Variants in PCDH9 observed in about 807,000 individuals in gnomAD.
PCDH9 encodes the protein protocadherin-9.
In PCDH9, 24 loss-of-function variants were observed where a neutral mutation model predicts 70.6. The observed-to-expected ratio is 0.34, with a 90% confidence interval of 0.25 to 0.48. PCDH9 has a LOEUF of 0.48. Ranked by LOEUF, PCDH9 falls within the 20% of genes least tolerant of loss-of-function variation. The pLI, the probability that PCDH9 is intolerant of heterozygous loss-of-function variation, is 0.99. For missense variants in PCDH9, 1,281 were observed against 1,503.6 expected, an observed-to-expected ratio of 0.85 and a Z score of 2.45; for synonymous variants, 562 against 558.5, an observed-to-expected ratio of 1.01 and a Z score of -0.09.
intron 2 of PCDH9, among the ~76,000 whole-genome samples, chr13:67,193,665 T>A (rs1335900136): frequency 6.6e-6 from 1 of 152,100 alleles, no homozygotes; most frequent in Admixed American, 6.6e-5. Context: ...TGGATGTATA[T>A]TCTTAATTAC....
At chr13:66,770,800 C>T (rs2079795606) in intron 3 of PCDH9, among the ~76,000 whole-genome samples, 1 of 152,194 alleles carries the variant, frequency 6.6e-6, no homozygotes, top group African/African-American at 2.4e-5. Context: ...TAAAAATCCA[C>T]ATTTTTGTCT....
At chr13:66,753,439 A>T (rs2079490919) in intron 3 of PCDH9, among the ~76,000 whole-genome samples, 1 of 152,228 alleles carries the variant, frequency 6.6e-6, no homozygotes, top group Admixed American at 6.6e-5. Context: ...ACATATCAAA[A>T]CATCACTATG....
At chr13:67,058,158 T>C (rs1229420679) in intron 2 of PCDH9, among the ~76,000 whole-genome samples, 1 of 152,194 alleles carries the variant, frequency 6.6e-6, no homozygotes, top group African/African-American at 2.4e-5. Flanking sequence ...GGAATTTTCA[T>C]GACTTCAGAA....
intron 2 of PCDH9, among the ~76,000 whole-genome samples, chr13:67,100,122 A>G (rs2086401757): frequency 1.3e-5 from 2 of 152,312 alleles, no homozygotes; most frequent in South Asian, 2.1e-4. Context: ...ACTCCTCCCC[A>G]GTCGCTAAGG....
intron 2 of PCDH9, among the ~76,000 whole-genome samples, chr13:66,974,233 T>G (rs1296847551): frequency 6.6e-6 from 1 of 151,972 alleles, no homozygotes; most frequent in African/African-American, 2.4e-5. Flanking sequence ...CAATGCATCC[T>G]CTCAACTACC....
intron 4 of PCDH9, among the ~76,000 whole-genome samples, chr13:66,571,665 C>T (rs1356773713): frequency 6.6e-6 from 1 of 151,774 alleles, no homozygotes; most frequent in East Asian, 1.9e-4. Context: ...TTCTTATTAG[C>T]CATTTTGCAT....
At chr13:66,814,919 T>G (rs2080574397) in intron 3 of PCDH9, among the ~76,000 whole-genome samples, 1 of 151,932 alleles carries the variant, frequency 6.6e-6, no homozygotes. Context: ...GAAACCAAAT[T>G]AAAATAAAGA....
chr13:66,601,478 G>A (rs2077164739), intron 4 of PCDH9, among the ~76,000 whole-genome samples: 1 of 146,126 alleles, frequency 6.8e-6, no homozygotes, highest in South Asian at 2.2e-4. Context: ...CTGAGTAAAT[G>A]AAATTGACTT....
At chr13:66,726,256 T>C (rs542147765) in intron 3 of PCDH9, among the ~76,000 whole-genome samples, 1 of 152,212 alleles carries the variant, frequency 6.6e-6, no homozygotes, top group Non-Finnish European at 1.5e-5. Flanking sequence ...GGAGAAAGGT[T>C]GGAAGAATTC....
At chr13:67,192,381 A>G (rs1313176625) in intron 2 of PCDH9, among the ~76,000 whole-genome samples, 3 of 152,184 alleles carry the variant, frequency 2.0e-5, no homozygotes, top group Non-Finnish European at 4.4e-5. Context: ...CAAAGGTTTA[A>G]TCTCTCTTCT....
intron 2 of PCDH9, among the ~76,000 whole-genome samples, chr13:67,110,394 G>T (rs2086634481): frequency 6.6e-6 from 1 of 151,008 alleles, no homozygotes. Flanking sequence ...TGCGCCTGTA[G>T]TCCCAGCTAC....
In PCDH9 at chr13:67,227,331, G is replaced by A. The variant is rs745448160; in HGVS notation, c.1110C>T (p.Thr370=). Residue 370 remains threonine (T), a synonymous_variant, in exon 2 of 5, where the codon ACC becomes ACT. Coordinates refer to ENST00000377865, the MANE Select transcript of PCDH9 (RefSeq NM_203487.3). The surrounding 1 kb of genome is among the most constrained non-coding windows in gnomAD (Gnocchi z 4.6). ...LRYIISPING[T]VYLSEKDPVN... ...CAGGATCTTTCTCAGATAAATACAC[G>A]GTGCCATTGATGGGACTTATAATGT... is the stretch of plus-strand genomic sequence containing the variant. 10 of 1,613,618 alleles carry A rather than the reference G, an allele frequency of 6.2e-6. No individual in the cohort carries two copies. In the East Asian group the frequency reaches 8.9e-5, roughly 14 times the overall value.
intron 2 of PCDH9, chr13:67,216,752 C>T (rs1259628109): frequency 1.4e-5 from 2 of 138,022 alleles, no homozygotes; most frequent in Non-Finnish European, 3.1e-5. Flanking sequence ...TATTACATCA[C>T]TTTAAAATCC....
intron 3 of PCDH9, among the ~76,000 whole-genome samples, chr13:66,661,290 A>G (rs1301509827): frequency 6.6e-6 from 1 of 152,188 alleles, no homozygotes; most frequent in African/African-American, 2.4e-5. Flanking sequence ...CTTCGATATG[A>G]GTTCTAGTGC....
chr13:67,176,762 C>A (rs1191134690), intron 2 of PCDH9, among the ~76,000 whole-genome samples: 2 of 152,086 alleles, frequency 1.3e-5, no homozygotes, highest in Non-Finnish European at 2.9e-5. Flanking sequence ...TTGTCACAGA[C>A]ATAGGCATTC....
At chr13:66,886,490 T>C (rs906150345) in intron 3 of PCDH9, among the ~76,000 whole-genome samples, 1 of 151,858 alleles carries the variant, frequency 6.6e-6, no homozygotes, top group Non-Finnish European at 1.5e-5. Context: ...CACTGAGGAG[T>C]TTGTGTTAGC....
intron 4 of PCDH9, among the ~76,000 whole-genome samples, chr13:66,628,556 C>T (rs2077528286): frequency 6.6e-6 from 1 of 152,166 alleles, no homozygotes. Flanking sequence ...GGCTGGAGTG[C>T]AGTTGAGTGA....
chr13:66,826,023 C>T (rs2080818362), intron 3 of PCDH9, among the ~76,000 whole-genome samples: 1 of 151,998 alleles, frequency 6.6e-6, no homozygotes, highest in East Asian at 1.9e-4. Context: ...ATTTTCAATA[C>T]TGAATTAAAA....
intron 3 of PCDH9, among the ~76,000 whole-genome samples, chr13:66,824,660 A>G (rs1288154177): frequency 3.2e-5 from 1 of 30,886 alleles, no homozygotes; most frequent in Non-Finnish European, 8.5e-5. Context: ...TGATATATAT[A>G]TATATATATA....
Sources: gnomAD v4.1 joint callset for allele counts (sites outside exome capture counted in the v4.1 genomes callset) on GRCh38, gnomAD v4.1.1 for gene constraint, Gnocchi (gnomAD v3.1) non-coding constraint, MANE v1.5 for transcripts, NCBI Gene and HGNC (gene_info 2026-07-23, HGNC 2026-07-21) for gene names.